The following BTBD9 variants were observed in gnomAD, a reference collection of about 807,000 sequenced individuals.
The protein encoded by BTBD9 is BTB/POZ domain-containing protein 9.
Under a neutral mutation model 64.3 loss-of-function variants are expected in BTBD9, and 49 were observed. That is an observed-to-expected ratio of 0.76 (90% confidence interval 0.61 to 0.97). The LOEUF is 0.97. BTBD9 is among the 50% of genes least tolerant of loss of function. The probability of loss-of-function intolerance (pLI) is 0.00; values close to 1 mark genes in which losing one functional copy is unlikely to be tolerated. For missense variants in BTBD9, 598 were observed against 762.1 expected, an observed-to-expected ratio of 0.78 and a Z score of 2.53; for synonymous variants, 260 against 274.7, an observed-to-expected ratio of 0.95 and a Z score of 0.53.
intron 6 of BTBD9, among the ~76,000 whole-genome samples, chr6:38,505,729 G>A (rs1383008843): frequency 2.6e-5 from 4 of 151,874 alleles, no homozygotes; most frequent in African/African-American, 2.4e-5. Flanking sequence ...CACTTTGGGA[G>A]GCTGAGGTGG....
At chr6:38,223,226 A>G (rs1763277635) in intron 9 of BTBD9, among the ~76,000 whole-genome samples, 2 of 152,204 alleles carry the variant, frequency 1.3e-5, no homozygotes, top group Admixed American at 6.5e-5. Context: ...ATTTTAGATT[A>G]TCACGACAAA....
chr6:38,228,396 C>T (rs573300681), intron 9 of BTBD9, among the ~76,000 whole-genome samples: 15 of 133,134 alleles, frequency 1.1e-4, no homozygotes, highest in Middle Eastern at 4.3e-3. Flanking sequence ...TATGGACTTT[C>T]GGTATTATGG....
chr6:38,598,506 G>A (rs531004829), intron 1 of BTBD9, among the ~76,000 whole-genome samples: 2 of 152,106 alleles, frequency 1.3e-5, no homozygotes, highest in Non-Finnish European at 2.9e-5. Context: ...CAATTATACC[G>A]AATAGAAAAG....
chr6:38,370,580 C>T (rs1159024167), intron 6 of BTBD9, among the ~76,000 whole-genome samples: 1 of 152,222 alleles, frequency 6.6e-6, no homozygotes, highest in Non-Finnish European at 1.5e-5. Context: ...AGAGAATCCA[C>T]ACACAAGTGA....
intron 6 of BTBD9, among the ~76,000 whole-genome samples, chr6:38,532,092 G>A (rs1200421026): frequency 6.6e-6 from 1 of 152,214 alleles, no homozygotes; most frequent in Admixed American, 6.5e-5. Flanking sequence ...TCCTGTGGCA[G>A]TGGCCACATG....
intron 8 of BTBD9, among the ~76,000 whole-genome samples, chr6:38,283,367 G>C (rs1761594591): frequency 6.6e-6 from 1 of 152,178 alleles, no homozygotes; most frequent in African/African-American, 2.4e-5. Flanking sequence ...TTCATGTTTG[G>C]CCAGGTGCAG....
At chr6:38,374,320 T>TAC (rs1230886475) in intron 6 of BTBD9, among the ~76,000 whole-genome samples, 1 of 114,444 alleles carries the variant, frequency 8.7e-6, no homozygotes, top group African/African-American at 3.4e-5. Flanking sequence ...TATATATATA[T>TAC]ATATATGTAT....
chr6:38,209,675 C>T (rs868823455), intron 9 of BTBD9, among the ~76,000 whole-genome samples: 1 of 152,306 alleles, frequency 6.6e-6, no homozygotes, highest in Middle Eastern at 3.4e-3. Context: ...ATGGCCAAGG[C>T]GGGCCCCTTG....
At chr6:38,501,317 T>A (rs1401723249) in intron 6 of BTBD9, among the ~76,000 whole-genome samples, 1 of 152,188 alleles carries the variant, frequency 6.6e-6, no homozygotes, top group African/African-American at 2.4e-5. Context: ...TTTCAGGTTT[T>A]CGGATTAGGA....
chr6:38,358,497 G>T (rs1486296675), intron 6 of BTBD9, among the ~76,000 whole-genome samples: 2 of 152,154 alleles, frequency 1.3e-5, no homozygotes, highest in African/African-American at 4.8e-5. Context: ...AGTTACTGCC[G>T]CAGCAGCAAA....
At chr6:38,396,649 T>A (rs1766687205) in intron 6 of BTBD9, among the ~76,000 whole-genome samples, 1 of 152,196 alleles carries the variant, frequency 6.6e-6, no homozygotes, top group African/African-American at 2.4e-5. Flanking sequence ...AGGCTCTACA[T>A]CCTACAGCTG....
At chr6:38,482,208 A>G (rs890778322) in intron 6 of BTBD9, 2 of 151,966 alleles carry the variant, frequency 1.3e-5, no homozygotes, top group African/African-American at 4.8e-5. Flanking sequence ...TACGCCCCCA[A>G]CCCCTGCTAA....
chr6:38,298,049 G>A (rs1405930543), intron 7 of BTBD9, among the ~76,000 whole-genome samples: 3 of 151,490 alleles, frequency 2.0e-5, no homozygotes, highest in African/African-American at 7.3e-5. Context: ...TACAGACGGG[G>A]TTTCACCATG....
At chr6:38,245,297 A>G (rs1764145637) in intron 9 of BTBD9, among the ~76,000 whole-genome samples, 1 of 152,262 alleles carries the variant, frequency 6.6e-6, no homozygotes, top group African/African-American at 2.4e-5. Context: ...AGAGGGGATA[A>G]CACAGTGATT....
chr6:38,288,306 G>A lies in BTBD9; in HGVS notation c.1420C>T (p.Gln474Ter). The change falls in exon 8 of 11, where the codon CAG (glutamine) becomes TAG (stop). Residue 474 changes from glutamine to a stop codon, truncating the protein, a stop_gained. Coordinates refer to ENST00000481247, the MANE Select transcript of BTBD9 (RefSeq NM_001099272.2). LOFTEE classifies it high-confidence loss of function. ...HQLGSGAIVVQLAQPYMIGSI... is the reference protein window; with the variant it reads ...HQLGSGAIVV Reference sequence around the variant, plus strand: ...CCAATCATGTACGGTTGTGCCAACTGAACCACAATCGCACCACTTCCTAGC... The same window carrying A: ...CCAATCATGTACGGTTGTGCCAACTAAACCACAATCGCACCACTTCCTAGC... 6.2e-7 allele frequency: 1 copy of A among 1,614,100 alleles called. No homozygotes were observed. Among genetic ancestry groups the A allele is most frequent in the Non-Finnish European group, 8.5e-7 (1 of 1,179,974 alleles).
intron 7 of BTBD9, among the ~76,000 whole-genome samples, chr6:38,337,711 G>C (rs1257691717): frequency 6.6e-6 from 1 of 152,190 alleles, no homozygotes; most frequent in East Asian, 1.9e-4. Flanking sequence ...CTGTTGGAAG[G>C]AGCCCCCTTT....
At chr6:38,470,819 C>T (rs1208049166) in intron 6 of BTBD9, among the ~76,000 whole-genome samples, 2 of 152,216 alleles carry the variant, frequency 1.3e-5, no homozygotes, top group Non-Finnish European at 2.9e-5. Flanking sequence ...CCTCCTGCCT[C>T]AGTCCAACAG....
chr6:38,563,094 C>G (rs1326387092), intron 6 of BTBD9, among the ~76,000 whole-genome samples: 1 of 152,158 alleles, frequency 6.6e-6, no homozygotes, highest in Admixed American at 6.5e-5. Context: ...CTATTCTTTC[C>G]CCATTTCATT....
intron 10 of BTBD9, 43 bp from the exon 11 acceptor site, chr6:38,175,225 A>G (rs1561831066): frequency 1.2e-6 from 2 of 1,605,654 alleles, no homozygotes; most frequent in Non-Finnish European, 1.7e-6. Context: ...AAGGGTCAGC[A>G]TGCGGCCCTG....
Sources: allele counts gnomAD v4.1 joint callset (sites outside exome capture counted in the v4.1 genomes callset), GRCh38; gene constraint gnomAD v4.1.1; transcripts MANE v1.5; gene names NCBI Gene and HGNC (gene_info 2026-07-23, HGNC 2026-07-21).